The following SVIL variants were observed in gnomAD, a reference collection of about 807,000 sequenced individuals.
The protein encoded by SVIL is archvillin.
Under a neutral mutation model 240.4 loss-of-function variants are expected in SVIL, and 101 were observed. The ratio of observed to expected loss-of-function variants is 0.42; its 90% CI spans 0.36 to 0.50. The LOEUF (loss-of-function observed/expected upper bound fraction) is 0.50. Among genes scored for constraint, SVIL ranks in the 20% least tolerant of loss-of-function variants. The pLI is 0.01. For synonymous variants in SVIL, 999 were observed against 1,100.0 expected (o/e 0.91, Z 1.82); for missense variants, 2,512 against 2,818.7 (o/e 0.89, Z 2.46).
chr10:29,550,570 G>A (rs753956591), intron 6 of SVIL, 27 bp downstream of exon 6: 41 of 1,567,508 alleles, frequency 2.6e-5, no homozygotes, highest in Non-Finnish European at 3.5e-5. Flanking sequence ...CTGCGTTCAG[G>A]GTGCTTAGCG....
chr10:29,550,479 T>G, intron 6 of SVIL, 118 bp downstream of exon 6: 1 of 1,187,084 alleles, frequency 8.4e-7, no homozygotes, highest in Non-Finnish European at 1.2e-6. Context: ...CTATGATATT[T>G]CTCCAATAAG....
At chr10:29,501,085 C>T (rs1589006236) in intron 17 of SVIL, among the ~76,000 whole-genome samples, 1 of 151,976 alleles carries the variant, frequency 6.6e-6, no homozygotes, top group African/African-American at 2.4e-5. Context: ...TTCTATAAAG[C>T]CTTCATAGCC....
chr10:29,689,445 C>T (rs759516777), intron 1 of SVIL, among the ~76,000 whole-genome samples: 37 of 152,168 alleles, frequency 2.4e-4, no homozygotes, highest in Non-Finnish European at 4.6e-4. Context: ...CCAACACATC[C>T]GGCTAACTTT....
chr10:29,471,023 CAGAGGTCG>C lies in SVIL; in HGVS notation c.5635+107_5635+114del, dbSNP rs1945515026. 6.2e-6 allele frequency: 6 copies of C among 969,882 alleles called. No individual in the cohort carries two copies. The South Asian group carries it at 7.0e-5, about 11-fold the overall frequency. 60.1% of individuals were successfully genotyped at this position (969,882 alleles called of 1,614,324 possible). A position where few individuals can be genotyped will look rare whatever the true frequency, so the allele number is the denominator to read the frequency against. On this transcript the variant is annotated intron_variant, in intron 31 of 37. Transcript: ENST00000355867. ...TATCAGGCAAACATCAGGAGGCTTT[CAGAGGTCG>C]AGCCACAGCTAGATGAAGACAGACT...
chr10:29,550,817 C>T lies in SVIL; in HGVS notation c.607G>A (p.Glu203Lys). Reference protein sequence around the residue: ...SSDPEVLLNIENQRRGQELSA... With the variant: ...SSDPEVLLNIKNQRRGQELSA... The stretch of plus-strand genomic sequence containing the variant: ...AGCTCTTGACCTCGTCTTTGGTTTT[C>T]TATGTTCAGCAGCACCTCCGGGTCG... Residue 203 changes from glutamate to lysine, a missense_variant, in exon 6 of 38, where the codon GAA (glutamate) becomes AAA (lysine). By Grantham distance (56) the Glu-to-Lys change is moderately conservative. Coordinates refer to ENST00000355867, the MANE Select transcript of SVIL (RefSeq NM_021738.3). The T allele has an allele frequency of 6.2e-7, 1 of 1,614,138 alleles. No homozygotes were observed. Among genetic ancestry groups the T allele is most frequent in the Non-Finnish European group, 8.5e-7 (1 of 1,180,024 alleles).
At chr10:29,736,473 C>T (rs1444195000), upstream of SVIL, among the ~76,000 whole-genome samples, 1 of 151,834 alleles carries the variant, frequency 6.6e-6, no homozygotes, top group African/African-American at 2.4e-5. Flanking sequence ...CGCCCTATCG[C>T]TCTCCCGGCC....
intron 1 of SVIL, among the ~76,000 whole-genome samples, chr10:29,726,639 C>T (rs190889147): frequency 6.6e-5 from 10 of 152,068 alleles, no homozygotes; most frequent in Non-Finnish European, 1.3e-4. Flanking sequence ...CCCAGCTACT[C>T]GGGAGGCTGA....
chr10:29,578,136 A>G (rs1955785159), intron 1 of SVIL, among the ~76,000 whole-genome samples: 1 of 152,222 alleles, frequency 6.6e-6, no homozygotes, highest in African/African-American at 2.4e-5. Flanking sequence ...AATTTTAAAT[A>G]TTATATTAGA....
At chr10:29,518,226 A>G (rs1414788589) in intron 16 of SVIL, among the ~76,000 whole-genome samples, 1 of 152,154 alleles carries the variant, frequency 6.6e-6, no homozygotes, top group Non-Finnish European at 1.5e-5. Flanking sequence ...TGTCTCTACT[A>G]AAAATACAAA....
At chr10:29,576,222 C>T (rs767999371) in intron 1 of SVIL, 9 of 594,390 alleles carry the variant, frequency 1.5e-5, no homozygotes, top group Admixed American at 6.3e-5. Context: ...GCCTTTCCTT[C>T]AGGCAACATG....
chr10:29,532,932 T>C lies in SVIL; in HGVS notation c.1435A>G (p.Lys479Glu), dbSNP rs753792298. 9 of 1,614,178 alleles carry C rather than the reference T, an allele frequency of 5.6e-6. No homozygotes were observed. Among genetic ancestry groups the C allele is most frequent in the Non-Finnish European group, 6.8e-6 (8 of 1,180,038 alleles). Reference protein sequence around the residue: ...EDPSRNEDFGKPAVSTVTLEH... With the variant: ...EDPSRNEDFGEPAVSTVTLEH... The stretch of plus-strand genomic sequence containing the variant: ...AAGGTGACTGTGCTCACAGCAGGCT[T>C]ACCAAAGTCCTCATTTCTAGAGGGA... The change falls in exon 8 of 38, where the codon AAG becomes GAG. Residue 479 changes from lysine to glutamate, a missense_variant. Lys to Glu is a moderately conservative substitution (Grantham distance 56). Around this residue, in one of 3 missense-constraint regions of SVIL, gnomAD observed 1,443 missense variants for 1,486.6 expected, o/e 0.97. Transcript: ENST00000355867.
chr10:29,701,771 C>T (rs547417631), intron 1 of SVIL, among the ~76,000 whole-genome samples: 1 of 152,114 alleles, frequency 6.6e-6, no homozygotes, highest in Non-Finnish European at 1.5e-5. Flanking sequence ...AATTATAAGG[C>T]CCCAAGCTAT....
At chr10:29,559,950 T>C (rs182476378) in intron 3 of SVIL, among the ~76,000 whole-genome samples, 74 of 152,354 alleles carry the variant, frequency 4.9e-4, no homozygotes, top group Non-Finnish European at 8.1e-4. Context: ...GGAAACATAG[T>C]TTCTTCCATT....
chr10:29,718,020 A>C (rs759257027), intron 1 of SVIL, among the ~76,000 whole-genome samples: 1 of 152,122 alleles, frequency 6.6e-6, no homozygotes, highest in Non-Finnish European at 1.5e-5. Flanking sequence ...GAAAATATAT[A>C]ATTAAATTAA....
intron 1 of SVIL, among the ~76,000 whole-genome samples, chr10:29,702,716 G>C (rs1261613214): frequency 6.6e-6 from 1 of 152,144 alleles, no homozygotes; most frequent in East Asian, 1.9e-4. Context: ...TTTGACCTTT[G>C]ATGACTTTGA....
intron 17 of SVIL, among the ~76,000 whole-genome samples, chr10:29,500,766 C>T (rs544268223): frequency 7.5e-4 from 114 of 152,278 alleles, no homozygotes; most frequent in African/African-American, 2.6e-3. Context: ...GGGAAGGACT[C>T]GGAGAGCCCC....
At chr10:29,507,286 G>A (rs1290305029) in intron 17 of SVIL, among the ~76,000 whole-genome samples, 2 of 152,128 alleles carry the variant, frequency 1.3e-5, no homozygotes, top group Non-Finnish European at 2.9e-5. Context: ...CTGAGCTGGA[G>A]CGAAGAACAT....
At chr10:29,554,703 T>C in intron 5 of SVIL, 80 bp downstream of exon 5, 1 of 1,423,280 alleles carries the variant, frequency 7.0e-7, no homozygotes, top group Non-Finnish European at 9.2e-7. Flanking sequence ...TCTCATGTTC[T>C]GATACCACTG....
At position 29,643,811 on chromosome 10, in the gene SVIL, C is replaced by T. The variant is rs554541194; in HGVS notation, c.-201+14158G>A. 3.9e-5 allele frequency among the ~76,000 whole-genome samples: 6 copies of T among 152,272 alleles called. No individual in the cohort carries two copies. In the East Asian group the frequency reaches 9.7e-4, roughly 25 times the overall value. On this transcript the variant is annotated intron_variant, in intron 3 of 35. Transcript: ENST00000375400. ...CTTGAACCACTGATGAGCCAGCCAA[C>T]TTTTCTCTCCCGGGCTGTAGCTTCA...
Sources: gnomAD v4.1 joint callset for allele counts (sites outside exome capture counted in the v4.1 genomes callset) on GRCh38, gnomAD v4.1.1 for gene constraint, gnomAD v4.1.1 regional missense constraint, MANE v1.5 for transcripts, NCBI Gene and HGNC (gene_info 2026-07-23, HGNC 2026-07-21) for gene names.